Variants in CHCT1 observed in about 807,000 individuals in gnomAD.
CHCT1 encodes the protein CHD1 helical C-terminal domain containing protein 1.
the CHCT1 span, chr17:60,426,417 C>T: frequency 5.1e-6 from 7 of 1,370,152 alleles, no homozygotes; most frequent in Non-Finnish European, 6.8e-6. Flanking sequence ...CTTAGTCAAT[C>T]CCCCAGTCCT....
the CHCT1 span, among the ~76,000 whole-genome samples, chr17:60,427,883 T>G: frequency 1.3e-5 from 2 of 152,128 alleles, no homozygotes; most frequent in Admixed American, 6.5e-5. Flanking sequence ...GATCTTAGGT[T>G]CACTGTCTCT....
chr17:60,426,549 A>T, the CHCT1 span: 3 of 1,138,658 alleles, frequency 2.6e-6, no homozygotes, highest in Non-Finnish European at 2.4e-6. Flanking sequence ...CAATACCAGG[A>T]TAGGATATTC....
chr17:60,426,338 T>C, the CHCT1 span: 2 of 1,549,746 alleles, frequency 1.3e-6, no homozygotes, highest in Non-Finnish European at 1.7e-6. Flanking sequence ...CTGGAGAAAG[T>C]AGGGCAGTCT....
the CHCT1 span, chr17:60,426,863 A>T: frequency 4.2e-4 from 650 of 1,553,212 alleles, 2 homozygotes; most frequent in African/African-American, 7.9e-3. Flanking sequence ...GGGTTGGTTG[A>T]TGTGTCCTTA....
At chr17:60,427,351 A>G in the CHCT1 span, among the ~76,000 whole-genome samples, 1 of 152,136 alleles carries the variant, frequency 6.6e-6, no homozygotes, top group African/African-American at 2.4e-5. Flanking sequence ...TGCTATGGCA[A>G]TGGTAAACTG....
chr17:60,423,927 G>C, the CHCT1 span, among the ~76,000 whole-genome samples: 1 of 152,180 alleles, frequency 6.6e-6, no homozygotes, highest in Non-Finnish European at 1.5e-5. Context: ...AAGAAAAGAG[G>C]TTTATTTGGC....
chr17:60,429,389 G>A, the CHCT1 span: 1 of 1,614,048 alleles, frequency 6.2e-7, no homozygotes, highest in South Asian at 1.1e-5. Context: ...GGATGCGCCG[G>A]AGAGGTCCTT....
the CHCT1 span, among the ~76,000 whole-genome samples, chr17:60,428,042 G>C: frequency 9.9e-5 from 15 of 152,106 alleles, no homozygotes; most frequent in Admixed American, 2.6e-4. Flanking sequence ...AGGGACTCCT[G>C]GGGGTTTGCA....
the CHCT1 span, chr17:60,421,433 G>T: frequency 1.0e-6 from 1 of 985,642 alleles, no homozygotes; most frequent in Non-Finnish European, 1.2e-6. Flanking sequence ...GGGGAGGCCC[G>T]GGCCGACGGC....
the CHCT1 span, among the ~76,000 whole-genome samples, chr17:60,425,091 A>C: frequency 6.6e-6 from 1 of 152,132 alleles, no homozygotes; most frequent in Non-Finnish European, 1.5e-5. Flanking sequence ...CCCGACTCTG[A>C]CCAATCAATG....
the CHCT1 span, among the ~76,000 whole-genome samples, chr17:60,430,114 G>A: frequency 2.4e-3 from 322 of 131,708 alleles, 2 homozygotes; most frequent in Non-Finnish European, 4.0e-3. Flanking sequence ...TGTGAGCCAC[G>A]CACCTGGCTT....
chr17:60,431,184 C>A, the CHCT1 span: 1 of 1,593,970 alleles, frequency 6.3e-7, no homozygotes, highest in Admixed American at 1.7e-5. Flanking sequence ...TTTTCAGATT[C>A]TTTAAGGGAG....
At chr17:60,429,376 C>T in the CHCT1 span, 1 of 1,613,688 alleles carries the variant, frequency 6.2e-7, no homozygotes, top group Admixed American at 1.7e-5. Context: ...CATTCTGCGC[C>T]TCGGATGCGC....
the CHCT1 span, chr17:60,422,440 T>G: frequency 6.7e-7 from 1 of 1,503,304 alleles, no homozygotes; most frequent in Non-Finnish European, 8.9e-7. Context: ...GGTGGGGGGC[T>G]GGGTTCTGTG....
chr17:60,430,037 C>A, the CHCT1 span, among the ~76,000 whole-genome samples: 1 of 150,626 alleles, frequency 6.6e-6, no homozygotes, highest in African/African-American at 2.4e-5. Context: ...GTTGCCCAAG[C>A]TGGTCTTGAG....
At chr17:60,431,276 C>A in the CHCT1 span, 6 of 1,589,316 alleles carry the variant, frequency 3.8e-6, no homozygotes, top group Non-Finnish European at 5.2e-6. Context: ...AGAAGACCAA[C>A]TGGGACAAAG....
the CHCT1 span, chr17:60,429,355 A>G: frequency 1.2e-6 from 2 of 1,612,164 alleles, no homozygotes; most frequent in African/African-American, 2.7e-5. Flanking sequence ...CGGAGGCTCC[A>G]TGGCAGGTGA....
the CHCT1 span, among the ~76,000 whole-genome samples, chr17:60,430,727 C>T: frequency 1.3e-5 from 2 of 152,202 alleles, no homozygotes; most frequent in African/African-American, 4.8e-5. Flanking sequence ...CTGATTCATC[C>T]GCCTCAGCTT....
chr17:60,430,770 T>C, the CHCT1 span, among the ~76,000 whole-genome samples: 1 of 152,236 alleles, frequency 6.6e-6, no homozygotes, highest in Non-Finnish European at 1.5e-5. Flanking sequence ...CGTGAGCCAC[T>C]GTGCCTGGCC....
Sources: allele counts gnomAD v4.1 joint callset (sites outside exome capture counted in the v4.1 genomes callset), GRCh38; gene constraint gnomAD v4.1.1; transcripts MANE v1.5; gene names NCBI Gene and HGNC (gene_info 2026-07-23, HGNC 2026-07-21).